The following ZBBX variants were observed in gnomAD, a reference collection of about 807,000 sequenced individuals.
ZBBX encodes zinc finger B-box domain-containing protein 1.
A neutral mutation model predicts 108.5 loss-of-function variants in ZBBX; 101 were observed. The observed-to-expected ratio is 0.93, with a 90% CI of 0.79 to 1.10. The LOEUF is 1.10. Among genes scored for constraint, ZBBX ranks in the 50% least tolerant of loss-of-function variants. The pLI, the probability that ZBBX is intolerant of heterozygous loss-of-function variation, is 0.00. For missense variants in ZBBX, 1,009 were observed against 941.4 expected (o/e 1.07, Z -0.94); for synonymous variants, 356 against 323.4 (o/e 1.10, Z -1.08).
At chr3:167,378,761 G>A (rs996727189) in intron 2 of ZBBX, among the ~76,000 whole-genome samples, 1 of 152,108 alleles carries the variant, frequency 6.6e-6, no homozygotes, top group African/African-American at 2.4e-5. Context: ...TTTACATAAT[G>A]AGCTTTAGTG....
intron 8 of ZBBX, among the ~76,000 whole-genome samples, chr3:167,358,804 C>T (rs757546211): frequency 1.3e-4 from 20 of 151,826 alleles, no homozygotes; most frequent in South Asian, 2.1e-4. Flanking sequence ...GGCGTGGTGA[C>T]GCGTGCCTAT....
At chr3:167,270,595 C>G (rs1307808911) in intron 20 of ZBBX, among the ~76,000 whole-genome samples, 1 of 152,158 alleles carries the variant, frequency 6.6e-6, no homozygotes, top group African/African-American at 2.4e-5. Context: ...GCCTTCTTAT[C>G]AAAGGTTTTA....
chr3:167,348,219 A>AGGG (rs1741842925), intron 9 of ZBBX, among the ~76,000 whole-genome samples: 4 of 114,936 alleles, frequency 3.5e-5, no homozygotes, highest in Non-Finnish European at 7.0e-5. Context: ...GGAAGGAAGC[A>AGGG]AGGGAGGGAG....
chr3:167,304,323 T>C (rs1308854140), intron 17 of ZBBX, among the ~76,000 whole-genome samples: 2 of 152,170 alleles, frequency 1.3e-5, no homozygotes, highest in African/African-American at 2.4e-5. Context: ...CACAGCTCAC[T>C]GTTTATATAG....
intron 1 of ZBBX, among the ~76,000 whole-genome samples, chr3:167,402,681 GA>G (rs1244007088): frequency 6.6e-6 from 1 of 151,708 alleles, no homozygotes; most frequent in Admixed American, 6.6e-5. Context: ...TCTTCAATAG[GA>G]AAATATGAGA....
chr3:167,364,730 A>G (rs1015150300), intron 6 of ZBBX, among the ~76,000 whole-genome samples: 2 of 151,988 alleles, frequency 1.3e-5, no homozygotes, highest in African/African-American at 2.4e-5. Flanking sequence ...TTGCCAATAT[A>G]GTTTACACAC....
intron 16 of ZBBX, among the ~76,000 whole-genome samples, chr3:167,310,235 C>T (rs1734347083): frequency 6.6e-6 from 1 of 152,200 alleles, no homozygotes; most frequent in African/African-American, 2.4e-5. Flanking sequence ...TGTCCATTAT[C>T]ACTATAAGCA....
chr3:167,290,707 T>A (rs1730534172), intron 18 of ZBBX, among the ~76,000 whole-genome samples: 1 of 152,106 alleles, frequency 6.6e-6, no homozygotes, highest in South Asian at 2.1e-4. Flanking sequence ...GAGAATGAGT[T>A]TGACGAATTG....
the ZBBX span, among the ~76,000 whole-genome samples, chr3:167,226,156 C>T: frequency 6.4e-4 from 97 of 151,290 alleles, 1 homozygote; most frequent in Non-Finnish European, 1.1e-3. Flanking sequence ...ATAATAACAT[C>T]GACAACAATA....
intron 1 of ZBBX, among the ~76,000 whole-genome samples, chr3:167,396,547 T>A (rs1748240341): frequency 6.6e-6 from 1 of 152,082 alleles, no homozygotes; most frequent in African/African-American, 2.4e-5. Flanking sequence ...TGGGCTTATT[T>A]TTAAGTAGCA....
chr3:167,189,942 ACCT>A, the ZBBX span, among the ~76,000 whole-genome samples: 1 of 151,818 alleles, frequency 6.6e-6, no homozygotes, highest in African/African-American at 2.4e-5. Context: ...GTTATTTGAA[ACCT>A]CCTTTTTCAC....
At chr3:167,223,156 A>T in the ZBBX span, among the ~76,000 whole-genome samples, 33 of 151,696 alleles carry the variant, frequency 2.2e-4, no homozygotes, top group African/African-American at 8.0e-4. Context: ...ATCATTAGAG[A>T]CTCTACTTGA....
chr3:167,189,267 C>T, the ZBBX span, among the ~76,000 whole-genome samples: 4 of 152,026 alleles, frequency 2.6e-5, no homozygotes, highest in Non-Finnish European at 5.9e-5. Flanking sequence ...GAAAATATAT[C>T]CCTGTTATCT....
chr3:167,399,706 A>AT (rs1748359133), intron 1 of ZBBX: 2 of 152,046 alleles, frequency 1.3e-5, no homozygotes, highest in South Asian at 4.1e-4. Context: ...AATTTACACC[A>AT]TTTTTTTAAC....
chr3:167,220,227 T>C, the ZBBX span, among the ~76,000 whole-genome samples: 2 of 151,964 alleles, frequency 1.3e-5, no homozygotes, highest in East Asian at 3.9e-4. Context: ...ACTTTCACAC[T>C]TACTCTAGGA....
chr3:167,282,943 AC>A (rs1422689709), intron 19 of ZBBX, among the ~76,000 whole-genome samples: 1 of 152,222 alleles, frequency 6.6e-6, no homozygotes, highest in Admixed American at 6.5e-5. Flanking sequence ...AACCAATTTT[AC>A]TTGATGATAT....
the ZBBX span, among the ~76,000 whole-genome samples, chr3:167,182,586 C>G: frequency 6.6e-6 from 1 of 152,304 alleles, no homozygotes; most frequent in South Asian, 2.1e-4. Flanking sequence ...TCTAAACCAG[C>G]CCAGTCACCA....
At chr3:167,237,338 T>C (rs928482639), downstream of ZBBX, among the ~76,000 whole-genome samples, 5 of 151,936 alleles carry the variant, frequency 3.3e-5, no homozygotes, top group African/African-American at 7.2e-5. Context: ...TGTAAAATTA[T>C]AGAATTTCAT....
intron 20 of ZBBX, among the ~76,000 whole-genome samples, chr3:167,276,470 A>G (rs1446421673): frequency 2.6e-5 from 4 of 152,238 alleles, no homozygotes; most frequent in Admixed American, 6.5e-5. Context: ...GAGCCGATGC[A>G]ATCAACTGGA....
Sources: allele counts gnomAD v4.1 joint callset (sites outside exome capture counted in the v4.1 genomes callset), GRCh38; gene constraint gnomAD v4.1.1; transcripts MANE v1.5; gene names NCBI Gene and HGNC (gene_info 2026-07-23, HGNC 2026-07-21).